Variants in ADGRF1 observed in about 807,000 individuals in gnomAD.
ADGRF1 encodes adhesion G protein-coupled receptor F1, also known as G protein-coupled receptor 110.
A neutral mutation model predicts 87.2 loss-of-function variants in ADGRF1; 85 were observed. The observed-to-expected ratio is 0.97, with a 90% CI of 0.82 to 1.17. The LOEUF is 1.17. ADGRF1 is among the 50% of genes most tolerant of loss of function. The pLI is 0.00. For missense variants in ADGRF1, 1,169 were observed against 1,077.2 expected (o/e 1.09, Z -1.19); for synonymous variants, 430 against 408.8 (o/e 1.05, Z -0.63).
intron 9 of ADGRF1, chr6:47,013,026 C>A (rs558146422): frequency 7.0e-5 from 68 of 970,060 alleles, no homozygotes; most frequent in Non-Finnish European, 8.0e-5. Context: ...CCCGGCTTGG[C>A]CTCCCAAAGT....
chr6:47,030,919 C>G (rs997086152), intron 1 of ADGRF1, among the ~76,000 whole-genome samples: 1 of 152,016 alleles, frequency 6.6e-6, no homozygotes, highest in Non-Finnish European at 1.5e-5. Flanking sequence ...TGCATCACAA[C>G]GCCTGGCTAA....
At chr6:47,028,970 T>C (rs760141916) in intron 2 of ADGRF1, 23 bp downstream of exon 2, 25 of 1,597,840 alleles carry the variant, frequency 1.6e-5, no homozygotes, top group Middle Eastern at 3.3e-4. Context: ...TGAGAAGAGA[T>C]ATGAGACATA....
At chr6:47,005,922 T>C (rs757145597) in intron 12 of ADGRF1, 46 bp from the exon 13 acceptor site, 7 of 1,285,328 alleles carry the variant, frequency 5.4e-6, no homozygotes, top group South Asian at 1.3e-5. Flanking sequence ...CATACAATCA[T>C]ACACAGACAA....
rs535164208 is a variant in ADGRF1 at position 46,999,538 on chromosome 6, T to C, written c.*684A>G. 12 of 152,348 alleles carry C rather than the reference T, an allele frequency of 7.9e-5. No individual in the cohort carries two copies. Among genetic ancestry groups the C allele is most frequent in the African/African-American group, 2.6e-4 (11 of 41,590 alleles). 9.4% of individuals were successfully genotyped at this position (152,348 alleles called of 1,614,324 possible). A position where few individuals can be genotyped will look rare whatever the true frequency, so the allele number is the denominator to read the frequency against. ...TGCACTAGGTCTGCCTTGACACTTT[T>C]GTTTGCAGGGTTTAGGACCAGATGG... On this transcript the variant is annotated 3_prime_UTR_variant, in exon 15 of 15. Coordinates refer to ENST00000371253, the MANE Select transcript of ADGRF1 (RefSeq NM_153840.4).
intron 3 of ADGRF1, among the ~76,000 whole-genome samples, chr6:47,026,826 T>C (rs182032978): frequency 1.3e-5 from 2 of 152,218 alleles, no homozygotes; most frequent in East Asian, 3.9e-4. Context: ...TCCCCAGGCA[T>C]TGGAAGTCCC....
chr6:47,015,746 C>T (rs819494), intron 8 of ADGRF1, among the ~76,000 whole-genome samples: 6,268 of 116,348 alleles, frequency 0.054, 432 homozygotes, highest in African/African-American at 0.17. Context: ...TGCCACCACG[C>T]CTGGCTAATT....
At chr6:47,006,307 T>G (rs1779526485) in intron 12 of ADGRF1, among the ~76,000 whole-genome samples, 2 of 152,154 alleles carry the variant, frequency 1.3e-5, no homozygotes, top group African/African-American at 4.8e-5. Flanking sequence ...TATAAAAATT[T>G]TTTATTTTCT....
intron 8 of ADGRF1, among the ~76,000 whole-genome samples, chr6:47,016,070 C>T (rs1004598838): frequency 1.3e-5 from 2 of 152,064 alleles, no homozygotes; most frequent in African/African-American, 4.8e-5. Context: ...TTCACCATTG[C>T]TGCATTTTAA....
rs1437272461 is a variant in ADGRF1 at position 47,004,825 on chromosome 6, G to A, written c.2592+992C>T. Among the ~76,000 whole-genome samples the A allele has an allele frequency of 2.6e-5, 4 of 152,156 alleles. No homozygotes were observed. In the East Asian group the frequency reaches 5.8e-4, roughly 22 times the overall value. ...GTTGAGAAAATTAAAACTTAGAGAC[G>A]AAGTGACTTTCCTAAGATCACACAG... On this transcript the variant is annotated intron_variant, in intron 13 of 14. Transcript: ENST00000371253.
intron 1 of ADGRF1, among the ~76,000 whole-genome samples, chr6:47,037,686 A>G (rs1036969786): frequency 4.0e-5 from 6 of 151,812 alleles, no homozygotes. Flanking sequence ...TTTTTAATTT[A>G]TTTTTTTGCA....
chr6:47,002,337 G>A (rs1453376741), intron 13 of ADGRF1, among the ~76,000 whole-genome samples: 1 of 151,732 alleles, frequency 6.6e-6, no homozygotes, highest in Admixed American at 6.6e-5. Flanking sequence ...AGATAGACCA[G>A]TGATAGTTTT....
chr6:47,019,903 CTTT>C, intron 7 of ADGRF1: 1 of 985,152 alleles, frequency 1.0e-6, no homozygotes, highest in Non-Finnish European at 1.2e-6. Context: ...CTAAATATTT[CTTT>C]ATTTGCTGTA....
intron 7 of ADGRF1, 126 bp from the exon 8 acceptor site, chr6:47,016,894 G>A (rs1779896857): frequency 6.9e-6 from 9 of 1,303,104 alleles, no homozygotes; most frequent in Non-Finnish European, 8.9e-6. Flanking sequence ...ACATTCTAGT[G>A]GATAAGGCAA....
intron 7 of ADGRF1, chr6:47,018,577 ACTGTC>A (rs1253032548): frequency 3.1e-6 from 4 of 1,289,432 alleles, no homozygotes; most frequent in Non-Finnish European, 4.0e-6. Flanking sequence ...CAGGTGTATA[ACTGTC>A]CTGTTTGACA....
intron 13 of ADGRF1, among the ~76,000 whole-genome samples, chr6:47,004,151 C>T (rs1347058764): frequency 6.6e-6 from 1 of 152,116 alleles, no homozygotes; most frequent in African/African-American, 2.4e-5. Flanking sequence ...GCTGGGTCCA[C>T]GTCTGGTTAC....
intron 7 of ADGRF1, chr6:47,018,707 T>C: frequency 1.7e-6 from 1 of 600,546 alleles, no homozygotes; most frequent in Non-Finnish European, 2.6e-6. Flanking sequence ...AGGCCAGGAG[T>C]TCAAGACCAG....
At chr6:47,011,858 G>A in intron 10 of ADGRF1, 149 bp downstream of exon 10, 1 of 678,712 alleles carries the variant, frequency 1.5e-6, no homozygotes. Context: ...CGAGTTCCTT[G>A]TATACCTCAG....
chr6:47,000,617 G>A (rs1779335684), intron 14 of ADGRF1, among the ~76,000 whole-genome samples: 1 of 152,118 alleles, frequency 6.6e-6, no homozygotes, highest in Non-Finnish European at 1.5e-5. Context: ...TTTTATAGAT[G>A]AGGAACAAAT....
chr6:47,023,904 G>A, intron 5 of ADGRF1, 140 bp downstream of exon 5: 1 of 713,724 alleles, frequency 1.4e-6, no homozygotes, highest in South Asian at 1.9e-5. Flanking sequence ...GGTCCAGACA[G>A]GCCTAACATG....
Sources: gnomAD v4.1 joint callset for allele counts (sites outside exome capture counted in the v4.1 genomes callset) on GRCh38, gnomAD v4.1.1 for gene constraint, MANE v1.5 for transcripts, NCBI Gene and HGNC (gene_info 2026-07-23, HGNC 2026-07-21) for gene names.